Variants in ULK4 observed in about 807,000 individuals in gnomAD.
ULK4 encodes the protein inactive serine/threonine-protein kinase ULK4.
A neutral mutation model predicts 160.6 loss-of-function variants in ULK4; 133 were observed. That is an observed-to-expected ratio of 0.83 (90% confidence interval 0.72 to 0.96). ULK4 has a LOEUF of 0.96. Ranked by LOEUF, ULK4 falls within the 40% of genes least tolerant of loss-of-function variation. The pLI is 0.00. For missense variants in ULK4, 1,580 were observed against 1,499.5 expected, an observed-to-expected ratio of 1.05 and a Z score of -0.89; for synonymous variants, 534 against 539.8, an observed-to-expected ratio of 0.99 and a Z score of 0.15.
intron 35 of ULK4, among the ~76,000 whole-genome samples, chr3:41,376,024 T>C (rs1181167217): frequency 6.7e-6 from 1 of 149,892 alleles, no homozygotes; most frequent in Non-Finnish European, 1.5e-5. Flanking sequence ...CCAATAAACA[T>C]ATAAAAAAAG....
chr3:41,817,769 A>G (rs1449686750), intron 19 of ULK4, among the ~76,000 whole-genome samples: 1 of 152,152 alleles, frequency 6.6e-6, no homozygotes, highest in Non-Finnish European at 1.5e-5. Flanking sequence ...ATCTAAAATA[A>G]AAGTTGAAAT....
chr3:41,735,443 C>T (rs138341629), intron 22 of ULK4, among the ~76,000 whole-genome samples: 3 of 152,142 alleles, frequency 2.0e-5, no homozygotes, highest in Non-Finnish European at 2.9e-5. Context: ...CTGGGTCACC[C>T]TTATTCCCTT....
chr3:41,545,370 A>G (rs1431918764), intron 32 of ULK4, among the ~76,000 whole-genome samples: 1 of 152,120 alleles, frequency 6.6e-6, no homozygotes, highest in Admixed American at 6.6e-5. Flanking sequence ...TCCTTATTTC[A>G]ACTTCATTTT....
At chr3:41,656,833 C>G (rs1162316548) in intron 30 of ULK4, among the ~76,000 whole-genome samples, 4 of 151,266 alleles carry the variant, frequency 2.6e-5, no homozygotes, top group Non-Finnish European at 5.9e-5. Flanking sequence ...TTTTTTTTTG[C>G]AATACAGGAA....
chr3:41,511,922 T>C (rs370764708), intron 32 of ULK4, among the ~76,000 whole-genome samples: 1 of 152,158 alleles, frequency 6.6e-6, no homozygotes, highest in Non-Finnish European at 1.5e-5. Flanking sequence ...ATCAAAAAGA[T>C]AATCCACCAC....
At chr3:41,275,582 A>T (rs2079215404) in intron 35 of ULK4, among the ~76,000 whole-genome samples, 1 of 152,150 alleles carries the variant, frequency 6.6e-6, no homozygotes, top group South Asian at 2.1e-4. Context: ...AAAGATTAGA[A>T]TCTGGCTTTA....
intron 21 of ULK4, among the ~76,000 whole-genome samples, chr3:41,772,348 G>A (rs903828631): frequency 6.6e-6 from 1 of 151,986 alleles, no homozygotes; most frequent in Middle Eastern, 3.4e-3. Context: ...AGAAAAGAGA[G>A]AAGAATCAAA....
intron 30 of ULK4, among the ~76,000 whole-genome samples, chr3:41,654,366 G>A (rs766835631): frequency 1.3e-5 from 2 of 152,076 alleles, no homozygotes; most frequent in Non-Finnish European, 2.9e-5. Context: ...CAAGAAAAAG[G>A]ATTTCCACAG....
At chr3:41,702,678 A>G (rs923136294) in intron 27 of ULK4, among the ~76,000 whole-genome samples, 8 of 152,160 alleles carry the variant, frequency 5.3e-5, no homozygotes, top group African/African-American at 1.7e-4. Flanking sequence ...AGATGACATA[A>G]TTTGAAATTT....
chr3:41,365,944 T>C (rs1197024722), intron 35 of ULK4, among the ~76,000 whole-genome samples: 28 of 152,198 alleles, frequency 1.8e-4, no homozygotes, highest in Admixed American at 1.8e-3. Context: ...GCAAAGTTAA[T>C]TGTTCAAAAA....
intron 17 of ULK4, among the ~76,000 whole-genome samples, chr3:41,862,455 A>G (rs1206631073): frequency 1.3e-5 from 2 of 152,120 alleles, no homozygotes; most frequent in Non-Finnish European, 2.9e-5. Context: ...TGTTGATGTT[A>G]GCAGATATTC....
intron 35 of ULK4, among the ~76,000 whole-genome samples, chr3:41,343,400 G>T (rs2080729661): frequency 6.7e-6 from 1 of 148,336 alleles, no homozygotes; most frequent in Non-Finnish European, 1.5e-5. Context: ...TGCCTCCCGG[G>T]TTCCAGTGAT....
chr3:41,363,008 A>G (rs537749831), intron 35 of ULK4, among the ~76,000 whole-genome samples: 1 of 152,350 alleles, frequency 6.6e-6, no homozygotes, highest in South Asian at 2.1e-4. Context: ...CAGGCTGGCT[A>G]TTCTCCAGCC....
intron 34 of ULK4, among the ~76,000 whole-genome samples, chr3:41,442,155 G>A (rs573739862): frequency 2.0e-5 from 3 of 152,312 alleles, no homozygotes; most frequent in Non-Finnish European, 4.4e-5. Flanking sequence ...AAAGTGGACT[G>A]TTAGCTGATG....
intron 21 of ULK4, among the ~76,000 whole-genome samples, chr3:41,765,698 C>G (rs1352735472): frequency 6.6e-6 from 1 of 152,068 alleles, no homozygotes; most frequent in Non-Finnish European, 1.5e-5. Flanking sequence ...ACTAGAAAGA[C>G]TCCAAATTAA....
chr3:41,354,695 G>T (rs142950334), intron 35 of ULK4, among the ~76,000 whole-genome samples: 2 of 152,258 alleles, frequency 1.3e-5, no homozygotes, highest in East Asian at 3.9e-4. Flanking sequence ...CAGGAAATGA[G>T]GTCCCACTCT....
intron 32 of ULK4, among the ~76,000 whole-genome samples, chr3:41,560,059 G>A (rs776463311): frequency 2.0e-5 from 3 of 152,090 alleles, no homozygotes; most frequent in East Asian, 1.9e-4. Context: ...CTGTAAAGAG[G>A]GATCCAGTTT....
At chr3:41,857,702 T>C (rs188137789) in intron 17 of ULK4, among the ~76,000 whole-genome samples, 2 of 152,348 alleles carry the variant, frequency 1.3e-5, no homozygotes, top group Admixed American at 1.3e-4. Context: ...GTAGATTTTA[T>C]GTATCTAGGA....
chr3:41,486,326 A>G (rs1254039328), intron 32 of ULK4, among the ~76,000 whole-genome samples: 1 of 152,210 alleles, frequency 6.6e-6, no homozygotes, highest in Non-Finnish European at 1.5e-5. Context: ...TTCATTCTAG[A>G]AATTTGTTGC....
Sources: gnomAD v4.1 joint callset for allele counts (sites outside exome capture counted in the v4.1 genomes callset) on GRCh38, gnomAD v4.1.1 for gene constraint, MANE v1.5 for transcripts, NCBI Gene and HGNC (gene_info 2026-07-23, HGNC 2026-07-21) for gene names.